Variants in ELMO1 observed in about 807,000 individuals in gnomAD.
ELMO1 encodes the protein engulfment and cell motility protein 1.
In ELMO1, 26 loss-of-function variants were observed where a neutral mutation model predicts 98.9. The ratio of observed to expected loss-of-function variants is 0.26; its 90% CI spans 0.19 to 0.36. ELMO1 has a LOEUF of 0.36. Among genes scored for constraint, ELMO1 ranks in the 10% least tolerant of loss-of-function variants. The probability of loss-of-function intolerance (pLI) is 1.00; values close to 1 mark genes in which losing one functional copy is unlikely to be tolerated. For synonymous variants in ELMO1, 346 were observed against 346.0 expected, an observed-to-expected ratio of 1.00 and a Z score of 0.00; for missense variants, 627 against 935.2, an observed-to-expected ratio of 0.67 and a Z score of 4.30.
At position 37,259,249 on chromosome 7, in the gene ELMO1, C is replaced by T. The variant is rs770798452; in HGVS notation, c.345G>A (p.Thr115=). 2.5e-6 allele frequency: 4 copies of T among 1,614,016 alleles called. No individual in the cohort carries two copies. The highest frequency in any genetic ancestry group is 2.7e-5 in the African/African-American group (2 of 74,906). ...KDLASLSRDV[T]FAQEFINLDG... is the part of the protein sequence containing the mutation. ...CCAGGTTTATAAACTCCTGGGCAAACGTGACATCCCGGGAGAGGCTGGCCA... is the reference window on the plus strand; with the variant it reads ...CCAGGTTTATAAACTCCTGGGCAAATGTGACATCCCGGGAGAGGCTGGCCA... The change falls in exon 6 of 22, where the codon ACG becomes ACA. Residue 115 remains threonine (T), a synonymous_variant. Transcript: ENST00000310758.
chr7:37,103,792 C>A (rs1347619735), intron 14 of ELMO1, among the ~76,000 whole-genome samples: 2 of 151,380 alleles, frequency 1.3e-5, no homozygotes. Flanking sequence ...GTCAGGAGAT[C>A]AAAACCATCC....
At chr7:37,449,156 T>C (rs547494266), upstream of ELMO1, 3 of 152,374 alleles carry the variant, frequency 2.0e-5, no homozygotes, top group South Asian at 6.2e-4. Flanking sequence ...GACAGAAATG[T>C]CAAACACCAT....
chr7:37,228,529 T>C (rs968980534), intron 8 of ELMO1, among the ~76,000 whole-genome samples: 8 of 152,190 alleles, frequency 5.3e-5, no homozygotes, highest in African/African-American at 1.9e-4. Context: ...TAATTAATTA[T>C]ACACACTAGC....
At chr7:36,861,582 T>G in intron 21 of ELMO1, 77 bp downstream of exon 21, 2 of 1,509,338 alleles carry the variant, frequency 1.3e-6, no homozygotes, top group South Asian at 2.3e-5. Flanking sequence ...CTATTTTTCT[T>G]AAGTAAAATT....
chr7:37,306,570 G>T (rs1430337745), intron 4 of ELMO1, among the ~76,000 whole-genome samples: 3 of 152,172 alleles, frequency 2.0e-5, no homozygotes, highest in Admixed American at 6.5e-5. Context: ...TGTTCCACTG[G>T]AAAGTGTTTG....
At chr7:37,053,809 A>G (rs1008962776) in intron 15 of ELMO1, among the ~76,000 whole-genome samples, 1 of 152,114 alleles carries the variant, frequency 6.6e-6, no homozygotes, top group Non-Finnish European at 1.5e-5. Context: ...CATGTATGCA[A>G]TGTGCAATTG....
chr7:37,224,489 T>C (rs1053800408), intron 9 of ELMO1, among the ~76,000 whole-genome samples: 1 of 152,258 alleles, frequency 6.6e-6, no homozygotes, highest in Non-Finnish European at 1.5e-5. Flanking sequence ...ACATTTCTAA[T>C]TAACTATGAA....
chr7:36,999,146 G>A (rs1340623476), intron 16 of ELMO1, among the ~76,000 whole-genome samples: 2 of 152,096 alleles, frequency 1.3e-5, no homozygotes, highest in Non-Finnish European at 2.9e-5. Flanking sequence ...CAGGATAGGA[G>A]AAAAGCCCCG....
At chr7:37,237,094 T>G (rs1008167933) in intron 7 of ELMO1, among the ~76,000 whole-genome samples, 1 of 152,228 alleles carries the variant, frequency 6.6e-6, no homozygotes, top group Non-Finnish European at 1.5e-5. Flanking sequence ...GGAAAGCCAC[T>G]GTCACAGCCA....
intron 13 of ELMO1, among the ~76,000 whole-genome samples, chr7:37,148,003 G>A (rs534448046): frequency 6.6e-6 from 1 of 152,244 alleles, no homozygotes; most frequent in South Asian, 2.1e-4. Context: ...ACAGAAACAG[G>A]AATAGCAGAG....
chr7:37,445,566 C>A, intron 1 of ELMO1, among the ~76,000 whole-genome samples: 1 of 140,866 alleles, frequency 7.1e-6, no homozygotes, highest in Non-Finnish European at 1.6e-5. Context: ...AGCCCTTTCC[C>A]CACCCGCCCC....
chr7:37,185,374 AC>A (rs1256213235), intron 13 of ELMO1, among the ~76,000 whole-genome samples: 2 of 152,230 alleles, frequency 1.3e-5, no homozygotes, highest in Non-Finnish European at 2.9e-5. Context: ...GTTAAAAATA[AC>A]ATTGTATTTT....
At chr7:37,153,452 C>T (rs1279568159) in intron 13 of ELMO1, among the ~76,000 whole-genome samples, 1 of 152,196 alleles carries the variant, frequency 6.6e-6, no homozygotes, top group Admixed American at 6.5e-5. Context: ...GCTTTTCCCA[C>T]AGTCTTCACA....
intron 4 of ELMO1, among the ~76,000 whole-genome samples, chr7:37,291,938 CTCTCCCTCTGCCCACGGT>C (rs1797705752): frequency 2.1e-4 from 8 of 37,316 alleles, no homozygotes; most frequent in Admixed American, 7.9e-4. Context: ...CTCCCCCTCC[CTCTCCCTCTGCCCACGGT>C]CTCCCTCTCC....
chr7:37,429,372 G>A (rs1384569306), intron 1 of ELMO1: 1 of 152,276 alleles, frequency 6.6e-6, no homozygotes, highest in Non-Finnish European at 1.5e-5. Context: ...GATGTGGTAG[G>A]AAGAGGCTGG....
chr7:37,229,479 G>GAGA (rs1794047879), intron 8 of ELMO1, among the ~76,000 whole-genome samples: 1 of 152,048 alleles, frequency 6.6e-6, no homozygotes, highest in Non-Finnish European at 1.5e-5. Context: ...TAAAGTAATA[G>GAGA]AGAAGGAGAC....
At chr7:37,099,924 G>A (rs991687187) in intron 14 of ELMO1, among the ~76,000 whole-genome samples, 7 of 150,220 alleles carry the variant, frequency 4.7e-5, no homozygotes, top group Admixed American at 1.3e-4. Context: ...CCTCCGCCCC[G>A]CCAAGCTCAA....
At chr7:37,392,371 A>T (rs1803117070) in intron 1 of ELMO1, among the ~76,000 whole-genome samples, 1 of 152,252 alleles carries the variant, frequency 6.6e-6, no homozygotes, top group African/African-American at 2.4e-5. Context: ...CCCAGAAAGA[A>T]GGAACACAAG....
intron 4 of ELMO1, among the ~76,000 whole-genome samples, chr7:37,275,311 G>A (rs949625396): frequency 3.3e-5 from 5 of 152,196 alleles, no homozygotes; most frequent in African/African-American, 9.6e-5. Context: ...GAAAAGTTCC[G>A]CATTGGCCTC....
Sources: allele counts gnomAD v4.1 joint callset (sites outside exome capture counted in the v4.1 genomes callset), GRCh38; gene constraint gnomAD v4.1.1; transcripts MANE v1.5; gene names NCBI Gene and HGNC (gene_info 2026-07-23, HGNC 2026-07-21).